RNF170: variants seen among roughly 807,000 people sequenced by gnomAD.
The protein encoded by RNF170 is ring finger protein 170.
Under a neutral mutation model 32.7 loss-of-function variants are expected in RNF170, and 12 were observed. The observed-to-expected ratio is 0.37, with a 90% CI of 0.24 to 0.60. RNF170 has a LOEUF of 0.60. Among genes scored for constraint, RNF170 ranks in the 20% least tolerant of loss-of-function variants. The pLI, the probability that RNF170 is intolerant of heterozygous loss-of-function variation, is 0.72. For missense variants in RNF170, 212 were observed against 311.2 expected, an observed-to-expected ratio of 0.68 and a Z score of 2.40; for synonymous variants, 91 against 103.6, an observed-to-expected ratio of 0.88 and a Z score of 0.74.
At chr8:42,895,513 G>A (rs1430135581) in intron 1 of RNF170, among the ~76,000 whole-genome samples, 5 of 152,100 alleles carry the variant, frequency 3.3e-5, no homozygotes, top group Admixed American at 2.6e-4. Context: ...TCTACGCATC[G>A]ACAATTCTCT....
At chr8:42,891,608 T>C (rs1395909142) in intron 1 of RNF170, among the ~76,000 whole-genome samples, 2 of 152,254 alleles carry the variant, frequency 1.3e-5, no homozygotes, top group African/African-American at 2.4e-5. Flanking sequence ...ATTTTGTCTA[T>C]ATAAACAATC....
Position 42,853,855 on chromosome 8 carries a change from C to T in RNF170, c.*2304G>A. 1 of 1,286,704 alleles carries T rather than the reference C, an allele frequency of 7.8e-7. No homozygotes were observed. The highest frequency in any genetic ancestry group is 1.0e-6 in the Non-Finnish European group (1 of 988,356). The allele number at this position is 1,286,704 out of a possible 1,614,324, so 79.7% of individuals were successfully genotyped here. On this transcript the variant is annotated 3_prime_UTR_variant, in exon 7 of 7. Coordinates refer to ENST00000527424, the MANE Select transcript of RNF170 (RefSeq NM_030954.4). ...GATCATTTAGTATTTTTTTATGTTACAAAATTTGGTACAATACACCTCTTT... is the reference window on the plus strand; with the variant it reads ...GATCATTTAGTATTTTTTTATGTTATAAAATTTGGTACAATACACCTCTTT...
chr8:42,874,430 C>T (rs1186250674), intron 2 of RNF170, among the ~76,000 whole-genome samples: 2 of 152,146 alleles, frequency 1.3e-5, no homozygotes, highest in African/African-American at 4.8e-5. Context: ...AGAGCAGAAA[C>T]TAAATTTAAT....
At position 42,856,191 on chromosome 8, in the gene RNF170, G is replaced by T. The variant is rs1803233507; in HGVS notation, c.745C>A (p.Arg249=). ...GTTAGCCTTTGGGTTATCACTTCTCGATACATAATAGAGATGTAGATAAGC... is the reference window on the plus strand; with the variant it reads ...GTTAGCCTTTGGGTTATCACTTCTCTATACATAATAGAGATGTAGATAAGC... The part of the protein sequence containing the change: ...LLLIYISIMY[R]EVITQRLTR The change falls in exon 7 of 7, where the codon CGA becomes AGA. Residue 249 remains arginine (R), a synonymous_variant. Coordinates refer to ENST00000527424, the MANE Select transcript of RNF170 (RefSeq NM_030954.4). The T allele has an allele frequency of 1.9e-6, 3 of 1,610,180 alleles. No individual in the cohort carries two copies. Among genetic ancestry groups the T allele is most frequent in the South Asian group, 1.1e-5 (1 of 90,944 alleles).
At chr8:42,883,285 A>C (rs1001321779) in intron 2 of RNF170, among the ~76,000 whole-genome samples, 3 of 152,290 alleles carry the variant, frequency 2.0e-5, no homozygotes, top group Admixed American at 2.0e-4. Flanking sequence ...ACACACCCCC[A>C]AAATCTAAAA....
chr8:42,862,569 G>A (rs1286257872), intron 5 of RNF170, among the ~76,000 whole-genome samples: 1 of 152,030 alleles, frequency 6.6e-6, no homozygotes, highest in Non-Finnish European at 1.5e-5. Flanking sequence ...ACATAAAAAC[G>A]GGAAGGAGTG....
rs747233953 is a variant in RNF170 at position 42,854,602 on chromosome 8, G to C, written c.*1557C>G. 2.3e-6 allele frequency: 3 copies of C among 1,287,082 alleles called. No individual in the cohort carries two copies. In the South Asian group the frequency reaches 3.7e-5, roughly 16 times the overall value. 79.7% of individuals were successfully genotyped at this position (1,287,082 alleles called of 1,614,324 possible). A position where few individuals can be genotyped will look rare whatever the true frequency, so the allele number is the denominator to read the frequency against. On this transcript the variant is annotated 3_prime_UTR_variant, in exon 7 of 7. Coordinates refer to ENST00000527424, the MANE Select transcript of RNF170 (RefSeq NM_030954.4). ...AAAACACATATTGATATTTCATTCAGAATCTCATTAATTGGTAGCTGATCT... is the reference window on the plus strand; with the variant it reads ...AAAACACATATTGATATTTCATTCACAATCTCATTAATTGGTAGCTGATCT...
downstream of RNF170, among the ~76,000 whole-genome samples, chr8:42,852,378 T>C (rs554666283): frequency 1.8e-4 from 27 of 152,352 alleles, no homozygotes; most frequent in Middle Eastern, 3.4e-3. Flanking sequence ...GGTAAACTTA[T>C]CATTGGTATG....
chr8:42,883,386 C>T (rs1285157838), intron 2 of RNF170, among the ~76,000 whole-genome samples: 1 of 151,986 alleles, frequency 6.6e-6, no homozygotes, highest in Non-Finnish European at 1.5e-5. Flanking sequence ...ATGTACTTAA[C>T]GCCACGGAAT....
At chr8:42,870,150 C>T in intron 3 of RNF170, 38 bp from the exon 4 acceptor site, 1 of 1,407,140 alleles carries the variant, frequency 7.1e-7, no homozygotes, top group Non-Finnish European at 1.0e-6. Context: ...GAACACAACA[C>T]ATGTGGCCCT....
chr8:42,892,882 G>C (rs1251152985), intron 1 of RNF170, among the ~76,000 whole-genome samples: 1 of 152,046 alleles, frequency 6.6e-6, no homozygotes, highest in East Asian at 1.9e-4. Context: ...AGCTACTCGG[G>C]AGGCTGAGGC....
rs547095592 is a variant in RNF170, at chr8:42,855,490, C to T, written c.*669G>A. ...CCTCCCAAAGTGCTAGGATTACAGG[C>T]GTGAGCCACCCCGCCCGGCCATGTT... is the stretch of plus-strand genomic sequence containing the variant. On this transcript the variant is annotated 3_prime_UTR_variant, in exon 7 of 7. Coordinates refer to ENST00000527424, the MANE Select transcript of RNF170 (RefSeq NM_030954.4). 7.8e-5 allele frequency: 96 copies of T among 1,230,732 alleles called. No individual in the cohort carries two copies. The African/African-American group carries it at 9.8e-4, about 13-fold the overall frequency. The allele number at this position is 1,230,732 out of a possible 1,614,324, so 76.2% of individuals were successfully genotyped here. A position where few individuals can be genotyped will look rare whatever the true frequency, so the allele number is the denominator to read the frequency against.
rs1221728256 is a variant in RNF170 at position 42,861,251 on chromosome 8, T to C, written c.507+494A>G. The C allele has an allele frequency of 2.0e-5, 3 of 152,256 alleles. No individual in the cohort carries two copies. The East Asian group carries it at 5.8e-4, about 29-fold the overall frequency. 9.4% of individuals were successfully genotyped at this position (152,256 alleles called of 1,614,324 possible). A position where few individuals can be genotyped will look rare whatever the true frequency, so the allele number is the denominator to read the frequency against. On this transcript the variant is annotated intron_variant, in intron 6 of 6. Coordinates refer to ENST00000527424, the MANE Select transcript of RNF170 (RefSeq NM_030954.4). ...GCTGTTTGTTTTTTAAGAAAGAAAA[T>C]TGTAGTCCTTGGGAAAGGTGTAATG...
chr8:42,854,564 G>T lies in RNF170; in HGVS notation c.*1595C>A. 1 of 1,286,982 alleles carries T rather than the reference G, an allele frequency of 7.8e-7. No individual in the cohort carries two copies. Among genetic ancestry groups the T allele is most frequent in the Non-Finnish European group, 1.0e-6 (1 of 988,508 alleles). 79.7% of individuals were successfully genotyped at this position (1,286,982 alleles called of 1,614,324 possible). ...TATGACAAGCAACAGCTCTGTCCTAGGTCCAAATTAGAAAAACACATATTG... is the reference window on the plus strand; with the variant it reads ...TATGACAAGCAACAGCTCTGTCCTATGTCCAAATTAGAAAAACACATATTG... On this transcript the variant is annotated 3_prime_UTR_variant, in exon 7 of 7. Coordinates refer to ENST00000527424, the MANE Select transcript of RNF170 (RefSeq NM_030954.4).
At position 42,875,220 on chromosome 8, in the gene RNF170, G is replaced by A. The variant is rs892686847; in HGVS notation, c.138-1214C>T. Among the ~76,000 whole-genome samples, 13 of 151,984 alleles carry A rather than the reference G, an allele frequency of 8.6e-5. No homozygotes were observed. In the South Asian group the frequency reaches 1.5e-3, roughly 17 times the overall value. ...TGTTGGTCAGGCTGGTAGGTGGGGTGGGGGTGAAGCGTTACATGTTATCAC... is the reference window on the plus strand; with the variant it reads ...TGTTGGTCAGGCTGGTAGGTGGGGTAGGGGTGAAGCGTTACATGTTATCAC... On this transcript the variant is annotated intron_variant, in intron 2 of 6. Transcript: ENST00000527424.
downstream of RNF170, chr8:42,850,757 C>G (rs1166940251): frequency 6.4e-7 from 1 of 1,551,418 alleles, no homozygotes; most frequent in Non-Finnish European, 8.7e-7. Flanking sequence ...TTTGCACTGC[C>G]TACTTTTGGG....
intron 2 of RNF170, among the ~76,000 whole-genome samples, chr8:42,884,141 C>T (rs1210617003): frequency 5.3e-5 from 8 of 151,822 alleles, no homozygotes; most frequent in South Asian, 4.2e-4. Flanking sequence ...AGTACAGTGG[C>T]GTGATCTCGG....
chr8:42,854,687 G>A lies in RNF170; in HGVS notation c.*1472C>T. On this transcript the variant is annotated 3_prime_UTR_variant, in exon 7 of 7. Coordinates refer to ENST00000527424, the MANE Select transcript of RNF170 (RefSeq NM_030954.4). ...TATCTCCCAGTCTGCATATAGTGAA[G>A]CTCACTAATAAATTAATGGATGATA... 6 of 1,287,186 alleles carry A rather than the reference G, an allele frequency of 4.7e-6. No individual in the cohort carries two copies. Among genetic ancestry groups the A allele is most frequent in the Non-Finnish European group, 6.1e-6 (6 of 988,590 alleles). 79.7% of individuals were successfully genotyped at this position (1,287,186 alleles called of 1,614,324 possible). A position where few individuals can be genotyped will look rare whatever the true frequency, so the allele number is the denominator to read the frequency against.
chr8:42,890,825 A>T (rs1806240783), intron 1 of RNF170, among the ~76,000 whole-genome samples: 2 of 152,156 alleles, frequency 1.3e-5, no homozygotes, highest in Non-Finnish European at 2.9e-5. Flanking sequence ...TCGACAGCAC[A>T]ACTTCTGCCA....
Sources: gnomAD v4.1 joint callset for allele counts (sites outside exome capture counted in the v4.1 genomes callset) on GRCh38, gnomAD v4.1.1 for gene constraint, MANE v1.5 for transcripts, NCBI Gene and HGNC (gene_info 2026-07-23, HGNC 2026-07-21) for gene names.